Variants in PLCB1 observed in about 807,000 individuals in gnomAD.
PLCB1 encodes the protein phospholipase C beta 1.
In PLCB1, 46 loss-of-function variants were observed where a neutral mutation model predicts 161.8. That is an observed-to-expected ratio of 0.28 (90% CI 0.22 to 0.36). The LOEUF (loss-of-function observed/expected upper bound fraction) is 0.36, where lower values mean the gene tolerates loss of function less well. PLCB1 is among the 10% of genes least tolerant of loss of function. PLCB1 has a pLI of 1.00. For missense variants in PLCB1, 1,016 were observed against 1,472.5 expected (o/e 0.69, Z 5.07); for synonymous variants, 517 against 503.7 (o/e 1.03, Z -0.35).
At chr20:8,662,983 TA>T (rs1190050914) in intron 9 of PLCB1, among the ~76,000 whole-genome samples, 1 of 152,106 alleles carries the variant, frequency 6.6e-6, no homozygotes, top group Non-Finnish European at 1.5e-5. Flanking sequence ...TATTACATTA[TA>T]ATTTATTCTT....
chr20:8,161,925 G>A (rs569137292), intron 2 of PLCB1, among the ~76,000 whole-genome samples: 20 of 151,908 alleles, frequency 1.3e-4, no homozygotes, highest in Non-Finnish European at 2.4e-4. Context: ...TGCCTGTGAC[G>A]TGGCCTACTT....
chr20:8,606,248 T>C (rs1018507231), intron 3 of PLCB1, among the ~76,000 whole-genome samples: 1 of 152,196 alleles, frequency 6.6e-6, no homozygotes, highest in Admixed American at 6.5e-5. Flanking sequence ...TAAAAAGACC[T>C]AAGTCAATTT....
intron 31 of PLCB1, among the ~76,000 whole-genome samples, chr20:8,861,627 G>A (rs555287569): frequency 1.3e-4 from 19 of 151,986 alleles, no homozygotes; most frequent in East Asian, 3.9e-4. Context: ...CTACTCGGGC[G>A]GCTGAGGCAG....
At position 8,739,285 on chromosome 20, in the gene PLCB1, T is replaced by C; in HGVS notation, c.2233T>C (p.Leu745=). The change falls in exon 21 of 32, where the codon TTG becomes CTG. Residue 745 remains leucine (L), a synonymous_variant. Coordinates refer to ENST00000338037, the MANE Select transcript of PLCB1 (RefSeq NM_015192.4). ...GGTGGTTCTTCCTACTCTGGCCTGT[T>C]TGAGAATAGCAGTTTATGAAGAAGG... ...KKVVLPTLAC[L]RIAVYEEGGK... 2 of 1,613,400 alleles carry C rather than the reference T, an allele frequency of 1.2e-6. No individual in the cohort carries two copies. Among genetic ancestry groups the C allele is most frequent in the Non-Finnish European group, 1.7e-6 (2 of 1,179,310 alleles).
At chr20:8,422,017 A>G (rs1979556829) in intron 3 of PLCB1, among the ~76,000 whole-genome samples, 1 of 152,246 alleles carries the variant, frequency 6.6e-6, no homozygotes, top group African/African-American at 2.4e-5. Context: ...TGTACCTGCA[A>G]ATAGTATTTG....
At chr20:8,200,027 C>T (rs2052076047) in intron 2 of PLCB1, among the ~76,000 whole-genome samples, 1 of 152,030 alleles carries the variant, frequency 6.6e-6, no homozygotes, top group Non-Finnish European at 1.5e-5. Flanking sequence ...CTTGTTCTTG[C>T]CACTGCATTT....
At chr20:8,508,737 T>A (rs1983750547) in intron 3 of PLCB1, among the ~76,000 whole-genome samples, 1 of 152,116 alleles carries the variant, frequency 6.6e-6, no homozygotes, top group Admixed American at 6.5e-5. Context: ...AATGATTATT[T>A]AAAAATAAGT....
At chr20:8,709,036 A>T (rs1978849571) in intron 12 of PLCB1, among the ~76,000 whole-genome samples, 1 of 152,284 alleles carries the variant, frequency 6.6e-6, no homozygotes. Flanking sequence ...TACACAATAC[A>T]TGTCTCTGTT....
intron 2 of PLCB1, among the ~76,000 whole-genome samples, chr20:8,345,929 A>G (rs998091360): frequency 2.0e-5 from 3 of 152,204 alleles, no homozygotes; most frequent in South Asian, 2.1e-4. Context: ...CTAAACTGGC[A>G]GAAGAGAGAA....
chr20:8,632,035 C>CTTTTTTTTTTTTTTTT lies in PLCB1; in HGVS notation c.384+3621_384+3636dup, dbSNP rs34028351. 3.0e-4 allele frequency among the ~76,000 whole-genome samples: 14 copies of CTTTTTTTTTTTTTTTT among 45,990 alleles called. 2 individuals carry two copies. Among genetic ancestry groups the CTTTTTTTTTTTTTTTT allele is most frequent in the Non-Finnish European group, 4.1e-4 (11 of 27,024 alleles). The allele number at this position is 45,990 out of a possible 152,430, so 30.2% of individuals were successfully genotyped here. Reference sequence around the variant, plus strand: ...AGGAGACAAATATGGGTTTTTTTTGCTTTTTTTTTTTTTTTTTTTTTTTTT... The same window carrying CTTTTTTTTTTTTTTTT: ...AGGAGACAAATATGGGTTTTTTTTGCTTTTTTTTTTTTTTTTTTTTTTTTTTTTTTTTTTTTTTTTT... On this transcript the variant is annotated intron_variant, in intron 4 of 31. Transcript: ENST00000338037.
At chr20:8,422,453 G>A (rs1342933831) in intron 3 of PLCB1, among the ~76,000 whole-genome samples, 1 of 152,130 alleles carries the variant, frequency 6.6e-6, no homozygotes, top group Non-Finnish European at 1.5e-5. Flanking sequence ...GAGAACAAGG[G>A]CCCCTTCTCA....
At chr20:8,245,590 A>G (rs1980838602) in intron 2 of PLCB1, among the ~76,000 whole-genome samples, 1 of 151,892 alleles carries the variant, frequency 6.6e-6, no homozygotes, top group Admixed American at 6.6e-5. Context: ...GGCCTCAGAA[A>G]CAGCAATCAG....
intron 2 of PLCB1, among the ~76,000 whole-genome samples, chr20:8,169,052 T>A (rs56263135): frequency 0.19 from 28,965 of 151,928 alleles, 3,058 homozygotes; most frequent in African/African-American, 0.28. Context: ...CTTTTTTTTT[T>A]AGCTGAGTGT....
intron 2 of PLCB1, among the ~76,000 whole-genome samples, chr20:8,267,497 A>G (rs1279967892): frequency 2.6e-5 from 4 of 152,126 alleles, no homozygotes; most frequent in African/African-American, 7.2e-5. Context: ...GCTCTGCCTC[A>G]TTCACTTTCT....
At chr20:8,263,819 C>T (rs1600271972) in intron 2 of PLCB1, among the ~76,000 whole-genome samples, 1 of 152,158 alleles carries the variant, frequency 6.6e-6, no homozygotes, top group African/African-American at 2.4e-5. Context: ...AATGGAGCTC[C>T]TAGGCCTGGA....
intron 3 of PLCB1, among the ~76,000 whole-genome samples, chr20:8,534,541 C>A (rs1216237192): frequency 6.6e-6 from 1 of 151,960 alleles, no homozygotes; most frequent in East Asian, 1.9e-4. Flanking sequence ...CTGTTGGAGT[C>A]CCTGCTGAGA....
At chr20:8,264,369 A>G (rs1366772753) in intron 2 of PLCB1, among the ~76,000 whole-genome samples, 1 of 152,156 alleles carries the variant, frequency 6.6e-6, no homozygotes, top group East Asian at 1.9e-4. Flanking sequence ...ACTGTTTTAC[A>G]GTTAATTTTT....
chr20:8,883,368 A>G lies in PLCB1; in HGVS notation c.*1519A>G, dbSNP rs1988062049. On this transcript the variant is annotated 3_prime_UTR_variant, in exon 32 of 32. Transcript: ENST00000338037. Reference sequence around the variant, plus strand: ...GAGAAACAAATTATATCAAGGTAAAACTGATCAAAAGCATAATTGAAAGTT... The same window carrying G: ...GAGAAACAAATTATATCAAGGTAAAGCTGATCAAAAGCATAATTGAAAGTT... 1 of 152,104 alleles carries G rather than the reference A, an allele frequency of 6.6e-6. No homozygotes were observed. The highest frequency in any genetic ancestry group is 1.5e-5 in the Non-Finnish European group (1 of 67,986). The allele number at this position is 152,104 out of a possible 1,614,324, so 9.4% of individuals were successfully genotyped here.
intron 11 of PLCB1, among the ~76,000 whole-genome samples, chr20:8,708,468 C>A (rs1978812641): frequency 6.6e-6 from 1 of 152,164 alleles, no homozygotes; most frequent in South Asian, 2.1e-4. Context: ...CCACCAAAAT[C>A]CAATCTTCTT....
Sources: allele counts gnomAD v4.1 joint callset (sites outside exome capture counted in the v4.1 genomes callset), GRCh38; gene constraint gnomAD v4.1.1; transcripts MANE v1.5; gene names NCBI Gene and HGNC (gene_info 2026-07-23, HGNC 2026-07-21).